DNAJB11: variants seen among roughly 807,000 people sequenced by gnomAD.
DNAJB11 encodes DnaJ heat shock protein family (Hsp40) member B11.
In DNAJB11, 30 loss-of-function variants were observed where a neutral mutation model predicts 47.2. That is an observed-to-expected ratio of 0.64 (90% CI 0.48 to 0.86). The LOEUF (loss-of-function observed/expected upper bound fraction) is 0.86, where lower values mean the gene tolerates loss of function less well. Ranked by LOEUF, DNAJB11 falls within the 40% of genes least tolerant of loss-of-function variation. DNAJB11 has a pLI of 0.00. For missense variants in DNAJB11, 357 were observed against 440.2 expected, an observed-to-expected ratio of 0.81 and a Z score of 1.69; for synonymous variants, 151 against 159.9, an observed-to-expected ratio of 0.94 and a Z score of 0.42.
chr3:186,575,360 C>CGT (rs201596559), intron 2 of DNAJB11, among the ~76,000 whole-genome samples: 62 of 79,660 alleles, frequency 7.8e-4, no homozygotes, highest in African/African-American at 3.0e-3. Flanking sequence ...TACATGCGCG[C>CGT]GCGCGCGCGT....
At chr3:186,582,194 T>A (rs1237467936) in intron 6 of DNAJB11, 117 bp downstream of exon 6, 3 of 790,476 alleles carry the variant, frequency 3.8e-6, no homozygotes, top group Non-Finnish European at 6.2e-6. Context: ...AACGCATATA[T>A]AATTTCCAAC....
chr3:186,574,141 C>T (rs1213738302), intron 2 of DNAJB11, among the ~76,000 whole-genome samples: 2 of 152,230 alleles, frequency 1.3e-5, no homozygotes, highest in African/African-American at 2.4e-5. Flanking sequence ...TCACTGCTGG[C>T]ATTTTAATTA....
chr3:186,583,073 A>G (rs1166681181), intron 7 of DNAJB11, among the ~76,000 whole-genome samples: 1 of 152,250 alleles, frequency 6.6e-6, no homozygotes, highest in Non-Finnish European at 1.5e-5. Context: ...CTGAAGAAGT[A>G]TGGCACCATA....
chr3:186,583,233 C>T (rs1715547130), intron 7 of DNAJB11, among the ~76,000 whole-genome samples: 1 of 152,226 alleles, frequency 6.6e-6, no homozygotes, highest in Non-Finnish European at 1.5e-5. Context: ...TACTGTTGCT[C>T]TCTTGTTACC....
chr3:186,579,314 A>G (rs1715404787), intron 4 of DNAJB11: 1 of 152,160 alleles, frequency 6.6e-6, no homozygotes, highest in Admixed American at 6.5e-5. Flanking sequence ...TCTGGGAGGT[A>G]CCTCATTTTG....
chr3:186,581,505 T>C lies in DNAJB11; in HGVS notation c.591T>C (p.Pro197=), dbSNP rs201959019. Residue 197 remains proline, a synonymous_variant, in exon 5 of 10, where the codon CCT becomes CCC. Coordinates refer to ENST00000265028, the MANE Select transcript of DNAJB11 (RefSeq NM_016306.6). ...MTQEVVCDEC[P]NVKLVNEERT... is the part of the protein sequence containing the mutation. ...AGGAGGTGGTCTGCGACGAATGCCC[T>C]AATGTCAAGTAAGTGAAAGCACCTT... The C allele has an allele frequency of 6.2e-7, 1 of 1,611,304 alleles. No individual in the cohort carries two copies. The highest frequency in any genetic ancestry group is 8.5e-7 in the Non-Finnish European group (1 of 1,179,160).
At chr3:186,575,685 CTT>C (rs1258919717) in intron 2 of DNAJB11, among the ~76,000 whole-genome samples, 153 bp from the exon 3 acceptor site, 14 of 152,252 alleles carry the variant, frequency 9.2e-5, no homozygotes, top group Admixed American at 9.1e-4. Flanking sequence ...GAGAAAATAA[CTT>C]TGTAAATATG....
Position 186,582,057 on chromosome 3 carries a change from A to G in DNAJB11, c.662A>G (p.Glu221Gly). 6.2e-7 allele frequency: 1 copy of G among 1,613,622 alleles called. No homozygotes were observed. Among genetic ancestry groups the G allele is most frequent in the South Asian group, 1.1e-5 (1 of 91,044 alleles). The change falls in exon 6 of 10, where the codon GAG (glutamate) becomes GGG (glycine). Residue 221 changes from glutamate to glycine, a missense_variant. Transcript: ENST00000265028. ...EIEPGVRDGM[E>G]YPFIGEGEPH... ...GAGCCTGGGGTGAGAGACGGCATGG[A>G]GTACCCCTTTATTGGAGAAGGTGAA...
intron 1 of DNAJB11, 57 bp downstream of exon 1, chr3:186,571,022 T>TGGGGTCCCCCTTGGGGGGGGGGGG: frequency 4.8e-6 from 1 of 208,312 alleles, no homozygotes. Flanking sequence ...TGCTGGGGGG[T>TGGGGTCCCCCTTGGGGGGGGGGGG]GGGAGGGGGT....
chr3:186,577,981 C>G, intron 4 of DNAJB11, 181 bp downstream of exon 4: 1 of 422,082 alleles, frequency 2.4e-6, no homozygotes. Flanking sequence ...GTTTTATCAC[C>G]CAGCTTAAGA....
At chr3:186,584,404 G>A in intron 8 of DNAJB11, 26 bp from the exon 9 acceptor site, 1 of 1,522,374 alleles carries the variant, frequency 6.6e-7, no homozygotes. Context: ...CGCTCCTGCT[G>A]CAGTACATTC....
chr3:186,571,584 ATTATC>A (rs1487066037), intron 1 of DNAJB11, among the ~76,000 whole-genome samples: 1 of 152,178 alleles, frequency 6.6e-6, no homozygotes, highest in Non-Finnish European at 1.5e-5. Context: ...TGAGCTATTT[ATTATC>A]TTAAGTTGCT....
At chr3:186,577,527 A>G (rs1715340120) in intron 3 of DNAJB11, 141 bp from the exon 4 acceptor site, 1 of 730,362 alleles carries the variant, frequency 1.4e-6, no homozygotes, top group African/African-American at 1.8e-5. Context: ...AGTTGACTCC[A>G]TTGTATTAAA....
chr3:186,570,739 G>C lies in DNAJB11; in HGVS notation c.-159G>C. On this transcript the variant is annotated 5_prime_UTR_variant, in exon 1 of 10. Coordinates refer to ENST00000265028, the MANE Select transcript of DNAJB11 (RefSeq NM_016306.6). The stretch of plus-strand genomic sequence containing the variant: ...CTCGGGACTCCCGGGAAGTGGACCG[G>C]CAGAAGAGGGGGCTAGCTAGCTGTC... 3 of 669,506 alleles carry C rather than the reference G, an allele frequency of 4.5e-6. No homozygotes were observed. The highest frequency in any genetic ancestry group is 7.7e-6 in the Non-Finnish European group (3 of 388,782). The allele number at this position is 669,506 out of a possible 1,614,324, so 41.5% of individuals were successfully genotyped here.
At chr3:186,572,838 A>G (rs1320321024) in intron 2 of DNAJB11, among the ~76,000 whole-genome samples, 2 of 152,222 alleles carry the variant, frequency 1.3e-5, no homozygotes. Flanking sequence ...AACCCCAGCC[A>G]GTTTTTGTCA....
intron 9 of DNAJB11, 92 bp downstream of exon 9, chr3:186,584,681 T>C: frequency 7.9e-7 from 1 of 1,272,164 alleles, no homozygotes; most frequent in Non-Finnish European, 1.0e-6. Context: ...AGAAGAACTC[T>C]CCAGTGACAT....
intron 4 of DNAJB11, 25 bp downstream of exon 4, chr3:186,577,825 C>A: frequency 1.3e-6 from 2 of 1,549,662 alleles, no homozygotes; most frequent in South Asian, 2.5e-5. Context: ...TATAGCTGTT[C>A]ATATTGACTC....
chr3:186,575,368 C>CGCGCGCGTGT (rs1406330956), intron 2 of DNAJB11, among the ~76,000 whole-genome samples: 22 of 143,454 alleles, frequency 1.5e-4, no homozygotes, highest in African/African-American at 5.6e-4. Flanking sequence ...CGCGCGCGCG[C>CGCGCGCGTGT]GTGTGTGTGT....
At chr3:186,575,697 G>T (rs1203704322) in intron 2 of DNAJB11, 143 bp from the exon 3 acceptor site, 1 of 575,036 alleles carries the variant, frequency 1.7e-6, no homozygotes, top group Non-Finnish European at 3.1e-6. Context: ...TTGTAAATAT[G>T]CCTTAATACA....
Sources: gnomAD v4.1 joint callset for allele counts (sites outside exome capture counted in the v4.1 genomes callset) on GRCh38, gnomAD v4.1.1 for gene constraint, MANE v1.5 for transcripts, NCBI Gene and HGNC (gene_info 2026-07-23, HGNC 2026-07-21) for gene names.